KCTD8: variants seen among roughly 807,000 people sequenced by gnomAD.
The protein encoded by KCTD8 is potassium channel tetramerization domain containing 8.
In KCTD8, 27 loss-of-function variants were observed where a neutral mutation model predicts 31.5. The ratio of observed to expected loss-of-function variants is 0.86; its 90% CI spans 0.63 to 1.18. The LOEUF is 1.18. Among genes scored for constraint, KCTD8 ranks in the 50% most tolerant of loss-of-function variants. KCTD8 has a pLI of 0.00. For missense variants in KCTD8, 658 were observed against 647.7 expected (o/e 1.02, Z -0.17); for synonymous variants, 290 against 280.0 (o/e 1.04, Z -0.36).
intron 1 of KCTD8, among the ~76,000 whole-genome samples, chr4:44,345,637 A>G (rs1719016436): frequency 6.6e-6 from 1 of 152,186 alleles, no homozygotes; most frequent in African/African-American, 2.4e-5. Flanking sequence ...AAGTTTATAC[A>G]TGTAGCATAC....
intron 1 of KCTD8, among the ~76,000 whole-genome samples, chr4:44,286,815 T>C (rs1482038931): frequency 6.6e-6 from 1 of 151,886 alleles, no homozygotes; most frequent in Non-Finnish European, 1.5e-5. Flanking sequence ...AGGGATTGAA[T>C]AGGAGGTATT....
chr4:44,314,820 G>A (rs1395299968), intron 1 of KCTD8, among the ~76,000 whole-genome samples: 1 of 148,920 alleles, frequency 6.7e-6, no homozygotes, highest in Admixed American at 6.7e-5. Context: ...ATATAGCATA[G>A]TTAATATTTT....
chr4:44,189,554 A>T (rs1713697802), intron 1 of KCTD8, among the ~76,000 whole-genome samples: 3 of 152,112 alleles, frequency 2.0e-5, no homozygotes. Flanking sequence ...TAATAGGGAT[A>T]GCCACTTCAC....
intron 1 of KCTD8, among the ~76,000 whole-genome samples, chr4:44,210,976 A>G (rs1323428008): frequency 6.6e-6 from 1 of 152,178 alleles, no homozygotes; most frequent in Admixed American, 6.6e-5. Context: ...CTCTAGAGGC[A>G]GCAATGTGTT....
intron 1 of KCTD8, among the ~76,000 whole-genome samples, chr4:44,331,564 T>C (rs1718591534): frequency 6.6e-6 from 1 of 151,622 alleles, no homozygotes; most frequent in African/African-American, 2.4e-5. Flanking sequence ...AATTAACCAA[T>C]GTGCAAACAA....
chr4:44,192,028 C>G (rs114950496), intron 1 of KCTD8, among the ~76,000 whole-genome samples: 1 of 152,096 alleles, frequency 6.6e-6, no homozygotes. Flanking sequence ...TCACCCCTGG[C>G]GGCCCAGCTG....
intron 1 of KCTD8, among the ~76,000 whole-genome samples, chr4:44,225,361 G>C (rs1714925111): frequency 6.6e-6 from 1 of 152,136 alleles, no homozygotes; most frequent in African/African-American, 2.4e-5. Flanking sequence ...TAAGCCCATA[G>C]GCTGGCCACC....
Position 44,359,887 on chromosome 4 carries a change from T to C in KCTD8, c.961+87676A>G, listed in dbSNP as rs1719452018. 5.3e-5 allele frequency among the ~76,000 whole-genome samples: 8 copies of C among 152,228 alleles called. No homozygotes were observed. In the South Asian group the frequency reaches 1.7e-3, roughly 32 times the overall value. On this transcript the variant is annotated intron_variant, in intron 1 of 1. Coordinates refer to ENST00000360029, the MANE Select transcript of KCTD8 (RefSeq NM_198353.3). ...ATCATACATTTTTATTCTACCATTC[T>C]GTGATGCAGAGAAAATATACATATT...
At chr4:44,182,801 A>C (rs1329561772) in intron 1 of KCTD8, among the ~76,000 whole-genome samples, 1 of 152,172 alleles carries the variant, frequency 6.6e-6, no homozygotes, top group Non-Finnish European at 1.5e-5. Flanking sequence ...AAAAATAAAT[A>C]AATAAATAAA....
At chr4:44,201,738 T>C (rs896650270) in intron 1 of KCTD8, among the ~76,000 whole-genome samples, 3 of 152,052 alleles carry the variant, frequency 2.0e-5, no homozygotes, top group African/African-American at 7.2e-5. Flanking sequence ...ATATAAGCTT[T>C]GGCAACAAAT....
chr4:44,418,333 T>C (rs1440778601), intron 1 of KCTD8, among the ~76,000 whole-genome samples: 1 of 152,084 alleles, frequency 6.6e-6, no homozygotes, highest in Non-Finnish European at 1.5e-5. Flanking sequence ...AGTACAGAAA[T>C]TGAAAATGAG....
At chr4:44,373,154 G>T (rs1027475123) in intron 1 of KCTD8, among the ~76,000 whole-genome samples, 1 of 152,084 alleles carries the variant, frequency 6.6e-6, no homozygotes. Context: ...CACGAGGTCA[G>T]GAGTTCGAGA....
At chr4:44,216,843 C>G (rs535687165) in intron 1 of KCTD8, among the ~76,000 whole-genome samples, 1 of 152,138 alleles carries the variant, frequency 6.6e-6, no homozygotes, top group Non-Finnish European at 1.5e-5. Flanking sequence ...GCGCATGAGA[C>G]AGACGGCATA....
intron 1 of KCTD8, among the ~76,000 whole-genome samples, chr4:44,334,801 A>G (rs1718680258): frequency 6.6e-6 from 1 of 152,164 alleles, no homozygotes; most frequent in African/African-American, 2.4e-5. Flanking sequence ...TAAGCCCATT[A>G]AATAAATAAA....
At chr4:44,418,794 C>T (rs1219633384) in intron 1 of KCTD8, among the ~76,000 whole-genome samples, 21 of 152,104 alleles carry the variant, frequency 1.4e-4, no homozygotes, top group Non-Finnish European at 1.9e-4. Context: ...TACTATGCAT[C>T]GGCTCTGGTT....
chr4:44,365,853 T>A (rs959506586), intron 1 of KCTD8, among the ~76,000 whole-genome samples: 8 of 152,068 alleles, frequency 5.3e-5, no homozygotes, highest in Non-Finnish European at 1.0e-4. Context: ...TTGGGAAAAA[T>A]TGGAAGTAAC....
intron 1 of KCTD8, among the ~76,000 whole-genome samples, chr4:44,249,423 G>A (rs1011172819): frequency 2.5e-4 from 38 of 151,534 alleles, no homozygotes; most frequent in African/African-American, 8.7e-4. Flanking sequence ...AGTACATATT[G>A]TACTCTATAC....
At chr4:44,200,496 C>T (rs1332286438) in intron 1 of KCTD8, among the ~76,000 whole-genome samples, 3 of 151,950 alleles carry the variant, frequency 2.0e-5, no homozygotes, top group South Asian at 2.1e-4. Context: ...TGCAAGAGTG[C>T]TTCAACATAA....
intron 1 of KCTD8, among the ~76,000 whole-genome samples, chr4:44,287,324 T>G (rs1245786534): frequency 6.6e-6 from 1 of 152,204 alleles, no homozygotes; most frequent in Non-Finnish European, 1.5e-5. Context: ...CAATACTGTT[T>G]CTGTGCTATA....
Sources: gnomAD v4.1 joint callset for allele counts (sites outside exome capture counted in the v4.1 genomes callset) on GRCh38, gnomAD v4.1.1 for gene constraint, MANE v1.5 for transcripts, NCBI Gene and HGNC (gene_info 2026-07-23, HGNC 2026-07-21) for gene names.